The following RALGAPB variants were observed in gnomAD, a reference collection of about 807,000 sequenced individuals.
RALGAPB encodes Ral GTPase activating protein non-catalytic subunit beta.
A neutral mutation model predicts 161.1 loss-of-function variants in RALGAPB; 25 were observed. The observed-to-expected ratio is 0.16, with a 90% confidence interval of 0.11 to 0.22. The LOEUF (loss-of-function observed/expected upper bound fraction) is 0.22. RALGAPB is among the 10% of genes least tolerant of loss of function. The pLI is 1.00. For synonymous variants in RALGAPB, 629 were observed against 626.1 expected, an observed-to-expected ratio of 1.00 and a Z score of -0.07; for missense variants, 1,391 against 1,815.2, an observed-to-expected ratio of 0.77 and a Z score of 4.25.
intron 1 of RALGAPB, among the ~76,000 whole-genome samples, chr20:38,485,919 A>C (rs982959695): frequency 7.1e-6 from 1 of 141,016 alleles, no homozygotes; most frequent in African/African-American, 2.6e-5. Context: ...TCTGTTACAT[A>C]TATTTTGATG....
chr20:38,514,326 A>G (rs1048629688), intron 6 of RALGAPB, among the ~76,000 whole-genome samples: 5 of 152,312 alleles, frequency 3.3e-5, no homozygotes, highest in Middle Eastern at 3.4e-3. Context: ...GGGGACATGC[A>G]GTCTCTTGAT....
At chr20:38,522,074 C>T (rs538567965) in intron 10 of RALGAPB, among the ~76,000 whole-genome samples, 5 of 152,324 alleles carry the variant, frequency 3.3e-5, no homozygotes, top group East Asian at 1.9e-4. Context: ...CAAACAAAGC[C>T]GTGTACACAT....
intron 27 of RALGAPB, 33 bp downstream of exon 27, chr20:38,570,029 T>C (rs2088174286): frequency 6.5e-7 from 1 of 1,532,252 alleles, no homozygotes; most frequent in African/African-American, 1.4e-5. Flanking sequence ...ATAAATAAAA[T>C]GGCAATATAT....
intron 23 of RALGAPB, among the ~76,000 whole-genome samples, chr20:38,560,062 A>G (rs771612147): frequency 9.2e-5 from 14 of 152,200 alleles, no homozygotes; most frequent in Non-Finnish European, 2.1e-4. Context: ...CACTGTTTCA[A>G]ATGATTTGTG....
At chr20:38,486,768 A>T (rs995618220) in intron 1 of RALGAPB, among the ~76,000 whole-genome samples, 1 of 152,212 alleles carries the variant, frequency 6.6e-6, no homozygotes, top group Non-Finnish European at 1.5e-5. Flanking sequence ...GAACATTTTT[A>T]AATTTTTATT....
chr20:38,525,436 C>T lies in RALGAPB; in HGVS notation c.1820C>T (p.Pro607Leu). 6.3e-7 allele frequency: 1 copy of T among 1,598,602 alleles called. No individual in the cohort carries two copies. Among genetic ancestry groups the T allele is most frequent in the Non-Finnish European group, 8.5e-7 (1 of 1,175,694 alleles). Residue 607 changes from proline to leucine, a missense_variant, in exon 12 of 30, where the codon CCA (proline) becomes CTA (leucine). This residue lies in a region of RALGAPB where 946 missense variants were observed against 1,257.2 expected (regional missense o/e 0.75). Coordinates refer to ENST00000262879, the MANE Select transcript of RALGAPB (RefSeq NM_020336.4). ...ELSKFKSYVN[P>L]TELRRSSINI... ...TCAAAATTCAAAAGCTATGTAAATCCAACAGAATTGCGAAGATCCTCCATT... is the reference window on the plus strand; with the variant it reads ...TCAAAATTCAAAAGCTATGTAAATCTAACAGAATTGCGAAGATCCTCCATT...
chr20:38,479,975 ACTTT>A (rs1358098630), intron 1 of RALGAPB, among the ~76,000 whole-genome samples: 1 of 150,416 alleles, frequency 6.6e-6, no homozygotes, highest in African/African-American at 2.4e-5. Flanking sequence ...GTAAGGTTAA[ACTTT>A]CTTCTTTTTT....
chr20:38,506,272 A>G (rs1267284536), intron 5 of RALGAPB, among the ~76,000 whole-genome samples: 1 of 151,114 alleles, frequency 6.6e-6, no homozygotes, highest in Admixed American at 6.6e-5. Context: ...CTGAAGGACA[A>G]CTGTATAGGT....
intron 4 of RALGAPB, 41 bp downstream of exon 4, chr20:38,497,557 A>G (rs747930156): frequency 3.8e-6 from 6 of 1,570,028 alleles, no homozygotes; most frequent in Middle Eastern, 1.7e-4. Flanking sequence ...TCTGAGCTCC[A>G]AATACAGTTC....
intron 10 of RALGAPB, 145 bp from the exon 11 acceptor site, chr20:38,524,633 T>G (rs752385671): frequency 3.0e-6 from 2 of 658,340 alleles, no homozygotes; most frequent in Non-Finnish European, 5.1e-6. Context: ...TTCTAATAAA[T>G]TCCAGTAATT....
intron 6 of RALGAPB, among the ~76,000 whole-genome samples, chr20:38,512,476 A>G (rs1315547514): frequency 1.3e-5 from 2 of 152,234 alleles, no homozygotes; most frequent in African/African-American, 4.8e-5. Flanking sequence ...CCATCTCGTT[A>G]TAAGTATTGA....
chr20:38,565,582 C>T (rs1007753572), intron 25 of RALGAPB, 104 bp downstream of exon 25: 1 of 1,343,924 alleles, frequency 7.4e-7, no homozygotes, highest in Middle Eastern at 1.9e-4. Context: ...CTAAGGCATT[C>T]TTTAGCTTCT....
At chr20:38,497,187 G>A (rs1005256307) in intron 3 of RALGAPB, among the ~76,000 whole-genome samples, 166 bp from the exon 4 acceptor site, 1 of 152,154 alleles carries the variant, frequency 6.6e-6, no homozygotes, top group Non-Finnish European at 1.5e-5. Flanking sequence ...ACTTTACGAC[G>A]AGTAAGAAGT....
rs149350177 is a variant in RALGAPB at position 38,575,527 on chromosome 20, TAAG to T, written c.*564_*566del. The T allele has an allele frequency of 0.038, 5,840 of 154,250 alleles. 176 individuals are homozygous for T. The highest frequency in any genetic ancestry group is 0.089 in the African/African-American group (3,676 of 41,512). 9.6% of individuals were successfully genotyped at this position (154,250 alleles called of 1,614,324 possible). ...AGATGATACATGTTTTTTGCTCAGA[TAAG>T]AAGCCTGACATTAAAAGATGTCATA... On this transcript the variant is annotated 3_prime_UTR_variant, in exon 30 of 30. Transcript: ENST00000262879.
chr20:38,561,727 T>C (rs1047353858), intron 23 of RALGAPB, among the ~76,000 whole-genome samples: 1 of 152,236 alleles, frequency 6.6e-6, no homozygotes. Flanking sequence ...AGCAGCACTA[T>C]TGCCATCTTG....
At position 38,546,334 on chromosome 20, in the gene RALGAPB, A is replaced by G. The variant is rs2087161917; in HGVS notation, c.2806A>G (p.Arg936Gly). 4 of 1,614,022 alleles carry G rather than the reference A, an allele frequency of 2.5e-6. No individual in the cohort carries two copies. Among genetic ancestry groups the G allele is most frequent in the Admixed American group, 1.7e-5 (1 of 59,996 alleles). The change falls in exon 19 of 30, where the codon AGG becomes GGG. Residue 936 changes from arginine to glycine, a missense_variant. Arg to Gly is a moderately radical substitution (Grantham distance 125). This residue lies in a region of RALGAPB where 946 missense variants were observed against 1,257.2 expected (regional missense o/e 0.75). Coordinates refer to ENST00000262879, the MANE Select transcript of RALGAPB (RefSeq NM_020336.4). The part of the protein sequence containing the change: ...VNETTLIKYS[R>G]LPTINKHSFR... ...TGAGACCACTTTGATTAAATACTCC[A>G]GGCTGCCAACCATAAACAAGCATAG...
chr20:38,572,817 AATACTTTCTTAATATT>A (rs1670495526), intron 28 of RALGAPB, among the ~76,000 whole-genome samples: 1 of 152,196 alleles, frequency 6.6e-6, no homozygotes, highest in Non-Finnish European at 1.5e-5. Context: ...TAAAGTTAGT[AATACTTTCTTAATATT>A]ATCTAATAGC....
chr20:38,525,824 A>G, intron 12 of RALGAPB, 71 bp from the exon 13 acceptor site: 1 of 1,480,992 alleles, frequency 6.8e-7, no homozygotes, highest in Non-Finnish European at 9.3e-7. Context: ...CCGTTCCTCC[A>G]TCTAGCTGTT....
At chr20:38,475,421 G>T (rs1334359868) in intron 1 of RALGAPB, among the ~76,000 whole-genome samples, 1 of 152,122 alleles carries the variant, frequency 6.6e-6, no homozygotes, top group South Asian at 2.1e-4. Flanking sequence ...TTAAAGGAAG[G>T]CAGACCAATA....
Sources: allele counts gnomAD v4.1 joint callset (sites outside exome capture counted in the v4.1 genomes callset), GRCh38; gene constraint gnomAD v4.1.1; regional missense constraint gnomAD v4.1.1; transcripts MANE v1.5; gene names NCBI Gene and HGNC (gene_info 2026-07-23, HGNC 2026-07-21).